Variants in EML4 observed in about 807,000 individuals in gnomAD.
The protein encoded by EML4 is EMAP like 4, also known as echinoderm microtubule-associated protein-like 4.
In EML4, 72 loss-of-function variants were observed where a neutral mutation model predicts 129.0. That is an observed-to-expected ratio of 0.56 (90% CI 0.46 to 0.68). EML4 has a LOEUF of 0.68. EML4 is among the 30% of genes least tolerant of loss of function. The pLI, the probability that EML4 is intolerant of heterozygous loss-of-function variation, is 0.00. For missense variants in EML4, 1,363 were observed against 1,190.6 expected (o/e 1.14, Z -2.13); for synonymous variants, 532 against 405.0 (o/e 1.31, Z -3.77).
intron 11 of EML4, among the ~76,000 whole-genome samples, chr2:42,290,172 A>G (rs2103652788): frequency 6.6e-6 from 1 of 152,134 alleles, no homozygotes; most frequent in East Asian, 1.9e-4. Flanking sequence ...CCTCTAGTAA[A>G]GGTCAGAGGG....
At chr2:42,173,195 T>C (rs1670376756) in intron 1 of EML4, among the ~76,000 whole-genome samples, 1 of 152,230 alleles carries the variant, frequency 6.6e-6, no homozygotes, top group Non-Finnish European at 1.5e-5. Flanking sequence ...TCATCACAGA[T>C]AATAGTCTTG....
intron 1 of EML4, among the ~76,000 whole-genome samples, chr2:42,222,521 C>T (rs1308992550): frequency 2.0e-5 from 3 of 152,142 alleles, no homozygotes; most frequent in Non-Finnish European, 4.4e-5. Flanking sequence ...GCTGCCACAG[C>T]AGAGTCCAGT....
At chr2:42,268,021 T>C (rs1666160038) in intron 6 of EML4, among the ~76,000 whole-genome samples, 1 of 152,172 alleles carries the variant, frequency 6.6e-6, no homozygotes, top group East Asian at 1.9e-4. Context: ...ATGTATAAAA[T>C]TGCTTATTGT....
At chr2:42,246,218 A>G (rs149255353) in intron 2 of EML4, among the ~76,000 whole-genome samples, 1 of 152,200 alleles carries the variant, frequency 6.6e-6, no homozygotes, top group Non-Finnish European at 1.5e-5. Flanking sequence ...AGGTTGAGAC[A>G]AACAGTCGTC....
intron 6 of EML4, among the ~76,000 whole-genome samples, chr2:42,280,213 C>A (rs1233723865): frequency 6.6e-6 from 1 of 152,148 alleles, no homozygotes; most frequent in East Asian, 1.9e-4. Flanking sequence ...ACAAAATTTT[C>A]TTTAGCATTT....
intron 11 of EML4, among the ~76,000 whole-genome samples, chr2:42,293,678 C>G (rs1431039478): frequency 6.6e-6 from 1 of 152,204 alleles, no homozygotes; most frequent in African/African-American, 2.4e-5. Context: ...GTGGTGCAAT[C>G]TCAGCTCACT....
At position 42,306,484 on chromosome 2, in the gene EML4, C is replaced by CTTTTTTTTTTTTTTTTTTTTTTTTTTTT. The variant is rs375707062; in HGVS notation, c.1967+1959_1967+1960insTTTTTTTTTTTTTTTTTTTTTTTTTTTT. 1.3e-4 allele frequency among the ~76,000 whole-genome samples: 10 copies of CTTTTTTTTTTTTTTTTTTTTTTTTTTTT among 74,604 alleles called. 1 individual carries two copies. Among genetic ancestry groups the CTTTTTTTTTTTTTTTTTTTTTTTTTTTT allele is most frequent in the East Asian group, 5.6e-4 (1 of 1,790 alleles). The allele number at this position is 74,604 out of a possible 152,430, so 48.9% of individuals were successfully genotyped here. On this transcript the variant is annotated intron_variant, in intron 17 of 22. Coordinates refer to ENST00000318522, the MANE Select transcript of EML4 (RefSeq NM_019063.5). ...GTGTCTGATGACCTTGTGCTAAATC[C>CTTTTTTTTTTTTTTTTTTTTTTTTTTTT]TTTTTTTTTTTTTTTTTTTTTTTTT...
chr2:42,216,335 C>T (rs1328835835), intron 1 of EML4, among the ~76,000 whole-genome samples: 3 of 142,632 alleles, frequency 2.1e-5, no homozygotes, highest in Non-Finnish European at 4.5e-5. Context: ...CTCTGCTGCC[C>T]GGGTTCAAGC....
intron 1 of EML4, among the ~76,000 whole-genome samples, chr2:42,182,888 TG>T (rs1671029488): frequency 6.6e-6 from 1 of 152,200 alleles, no homozygotes. Context: ...GCCTTTTCTT[TG>T]TGTGTACATA....
chr2:42,234,917 GAGGCCA>G (rs1038332947), intron 1 of EML4, among the ~76,000 whole-genome samples: 35 of 152,342 alleles, frequency 2.3e-4, no homozygotes, highest in African/African-American at 6.7e-4. Context: ...AACACTTTGG[GAGGCCA>G]AGGCGGGTGG....
At chr2:42,310,491 G>A (rs183498743) in intron 17 of EML4, among the ~76,000 whole-genome samples, 17 of 152,152 alleles carry the variant, frequency 1.1e-4, no homozygotes, top group Admixed American at 9.8e-4. Context: ...GACTACAAGC[G>A]TGCACCACCA....
At chr2:42,265,033 G>A (rs961045293) in intron 6 of EML4, 1 of 1,263,974 alleles carries the variant, frequency 7.9e-7, no homozygotes, top group Non-Finnish European at 1.1e-6. Context: ...TATTTATGCT[G>A]CCTGACTTTC....
At chr2:42,298,699 T>C (rs1306857942) in intron 13 of EML4, among the ~76,000 whole-genome samples, 1 of 152,178 alleles carries the variant, frequency 6.6e-6, no homozygotes, top group Non-Finnish European at 1.5e-5. Flanking sequence ...TTTCTTCATT[T>C]TTTTTTCCAG....
chr2:42,245,432 T>C, intron 1 of EML4, 73 bp from the exon 2 acceptor site: 1 of 1,368,022 alleles, frequency 7.3e-7, no homozygotes, highest in Non-Finnish European at 1.0e-6. Context: ...TTATGTGGGA[T>C]GGTTTTTCTA....
chr2:42,247,221 G>C (rs891868172), intron 2 of EML4, among the ~76,000 whole-genome samples: 1 of 152,164 alleles, frequency 6.6e-6, no homozygotes, highest in Non-Finnish European at 1.5e-5. Context: ...AGGGATCTTT[G>C]AGAACCACAA....
At chr2:42,242,745 GTCTCT>G (rs897846292) in intron 1 of EML4, among the ~76,000 whole-genome samples, 4 of 137,500 alleles carry the variant, frequency 2.9e-5, no homozygotes, top group African/African-American at 1.1e-4. Flanking sequence ...GTCTCGTCTC[GTCTCT>G]TCTTTTTTTC....
At chr2:42,243,102 A>G (rs1572613749) in intron 1 of EML4, among the ~76,000 whole-genome samples, 1 of 152,290 alleles carries the variant, frequency 6.6e-6, no homozygotes, top group South Asian at 2.1e-4. Context: ...TAATATTTAT[A>G]CAACTGAAAA....
At chr2:42,303,270 T>C (rs1323643604) in intron 15 of EML4, 41 bp downstream of exon 15, 2 of 1,613,790 alleles carry the variant, frequency 1.2e-6, no homozygotes, top group African/African-American at 2.7e-5. Flanking sequence ...ATATTTTTTA[T>C]GATATTCTTT....
intron 6 of EML4, among the ~76,000 whole-genome samples, chr2:42,279,510 T>G (rs1052086447): frequency 1.3e-5 from 2 of 151,410 alleles, no homozygotes; most frequent in African/African-American, 4.9e-5. Context: ...CAGGCTGGAG[T>G]GCAGTGGCGC....
Sources: gnomAD v4.1 joint callset for allele counts (sites outside exome capture counted in the v4.1 genomes callset) on GRCh38, gnomAD v4.1.1 for gene constraint, MANE v1.5 for transcripts, NCBI Gene and HGNC (gene_info 2026-07-23, HGNC 2026-07-21) for gene names.